MAGI1: variants seen among roughly 807,000 people sequenced by gnomAD.
MAGI1 encodes membrane-associated guanylate kinase, WW and PDZ domain-containing protein 1.
MAGI1 carries 58 observed loss-of-function variants against 139.9 expected under a neutral mutation model. The observed-to-expected ratio is 0.41, with a 90% CI of 0.34 to 0.52. The LOEUF is 0.52. Among genes scored for constraint, MAGI1 ranks in the 20% least tolerant of loss-of-function variants. The pLI is 0.12. For synonymous variants in MAGI1, 812 were observed against 737.9 expected, an observed-to-expected ratio of 1.10 and a Z score of -1.63; for missense variants, 1,874 against 1,901.6, an observed-to-expected ratio of 0.99 and a Z score of 0.27.
At chr3:65,573,407 T>C (rs968807964) in intron 2 of MAGI1, among the ~76,000 whole-genome samples, 7 of 152,016 alleles carry the variant, frequency 4.6e-5, no homozygotes, top group African/African-American at 7.2e-5. Context: ...TATTTTAACA[T>C]TGGAAAATCT....
chr3:65,668,241 T>A (rs975585945), intron 1 of MAGI1, among the ~76,000 whole-genome samples: 4 of 152,168 alleles, frequency 2.6e-5, no homozygotes, highest in African/African-American at 9.7e-5. Context: ...CGAATACACT[T>A]AATAAGGCAC....
At chr3:65,597,925 T>TGGGGGGGGGGGGAGGGGGGGGGGGGGGG in intron 2 of MAGI1, 1 of 394,350 alleles carries the variant, frequency 2.5e-6, no homozygotes, top group Admixed American at 2.7e-5. Flanking sequence ...GAGGCGGGGG[T>TGGGGGGGGGGGGAGGGGGGGGGGGGGGG]GGGGGGGGGG....
chr3:65,440,114 G>T, intron 8 of MAGI1, 102 bp from the exon 9 acceptor site: 1 of 1,296,684 alleles, frequency 7.7e-7, no homozygotes, highest in South Asian at 1.3e-5. Flanking sequence ...AGAGCAGGTG[G>T]TCTGAGATGC....
At chr3:65,430,669 C>A (rs770283308) in intron 11 of MAGI1, 30 bp downstream of exon 11, 2 of 1,605,304 alleles carry the variant, frequency 1.2e-6, no homozygotes, top group Non-Finnish European at 1.7e-6. Context: ...TCTCACCACA[C>A]AGAACACACT....
intron 1 of MAGI1, among the ~76,000 whole-genome samples, chr3:66,013,418 A>G (rs1249626352): frequency 1.4e-5 from 2 of 147,606 alleles, no homozygotes; most frequent in Non-Finnish European, 3.0e-5. Context: ...AAAAAAAAAA[A>G]AGAAAAAAAA....
chr3:65,921,334 G>T (rs1463619579), intron 1 of MAGI1, among the ~76,000 whole-genome samples: 1 of 149,700 alleles, frequency 6.7e-6, no homozygotes, highest in Non-Finnish European at 1.5e-5. Context: ...TTGAGACAGG[G>T]TCTCACTCTG....
At chr3:65,689,132 C>T (rs1376611352) in intron 1 of MAGI1, among the ~76,000 whole-genome samples, 1 of 152,214 alleles carries the variant, frequency 6.6e-6, no homozygotes, top group Non-Finnish European at 1.5e-5. Flanking sequence ...CCCTCTGAAA[C>T]CCAGACATCA....
At chr3:65,891,927 T>TATATATATATATAC (rs2060783303) in intron 1 of MAGI1, among the ~76,000 whole-genome samples, 1 of 109,804 alleles carries the variant, frequency 9.1e-6, no homozygotes, top group South Asian at 3.1e-4. Context: ...TATATATATA[T>TATATATATATATAC]ATATATATAT....
chr3:65,875,054 C>T (rs1429980631), intron 1 of MAGI1: 2 of 152,388 alleles, frequency 1.3e-5, no homozygotes, highest in African/African-American at 2.4e-5. Flanking sequence ...CTTGTCTCTA[C>T]AAAAAACAAA....
At chr3:65,605,363 C>T (rs2082687120) in intron 2 of MAGI1, among the ~76,000 whole-genome samples, 9 of 152,156 alleles carry the variant, frequency 5.9e-5, no homozygotes, top group Admixed American at 5.9e-4. Flanking sequence ...CTTTACACTA[C>T]ACTCACATAC....
intron 1 of MAGI1, among the ~76,000 whole-genome samples, chr3:65,712,472 A>G: frequency 6.6e-6 from 1 of 150,742 alleles, no homozygotes. Flanking sequence ...AAAAAAAAAA[A>G]GCCATGCGCG....
chr3:65,477,714 T>TTATTATTATTATTATTA (rs745836102), intron 4 of MAGI1, among the ~76,000 whole-genome samples: 4 of 107,340 alleles, frequency 3.7e-5, no homozygotes, highest in African/African-American at 1.5e-4. Context: ...TATTATTATT[T>TTATTATTATTATTATTA]TTTTTTTTTT....
intron 1 of MAGI1, among the ~76,000 whole-genome samples, chr3:65,992,616 C>G (rs1235760539): frequency 6.6e-6 from 1 of 152,146 alleles, no homozygotes; most frequent in Admixed American, 6.6e-5. Flanking sequence ...TCTAATACAT[C>G]TGGGAGGGCA....
At chr3:65,876,364 C>T (rs1047996952) in intron 1 of MAGI1, among the ~76,000 whole-genome samples, 1 of 151,794 alleles carries the variant, frequency 6.6e-6, no homozygotes, top group African/African-American at 2.4e-5. Flanking sequence ...CCAAAAAAGG[C>T]AATATAATTA....
At chr3:65,688,075 G>A (rs1451626705) in intron 1 of MAGI1, 1 of 763,590 alleles carries the variant, frequency 1.3e-6, no homozygotes, top group Non-Finnish European at 2.3e-6. Context: ...AACCCCAACA[G>A]ACAGCCTTTG....
At chr3:65,718,483 T>A (rs2032563271) in intron 1 of MAGI1, 1 of 152,192 alleles carries the variant, frequency 6.6e-6, no homozygotes, top group Non-Finnish European at 1.5e-5. Context: ...CTCTATCTTT[T>A]CCAATCTACT....
intron 1 of MAGI1, among the ~76,000 whole-genome samples, chr3:65,970,796 GTC>G (rs2064981824): frequency 6.6e-6 from 1 of 152,224 alleles, no homozygotes; most frequent in African/African-American, 2.4e-5. Flanking sequence ...GATACATTAA[GTC>G]TCAATGGTCA....
At chr3:65,442,094 T>TTC (rs397737707) in intron 8 of MAGI1, among the ~76,000 whole-genome samples, 1 of 151,608 alleles carries the variant, frequency 6.6e-6, no homozygotes, top group African/African-American at 2.4e-5. Context: ...TTTTTTTTTT[T>TTC]CAATGTCCTA....
At chr3:65,417,677 A>G (rs533971684) in intron 12 of MAGI1, among the ~76,000 whole-genome samples, 3 of 152,234 alleles carry the variant, frequency 2.0e-5, no homozygotes, top group South Asian at 4.2e-4. Flanking sequence ...GTTTTTGTGT[A>G]TGCTGTCTTT....
Sources: allele counts gnomAD v4.1 joint callset (sites outside exome capture counted in the v4.1 genomes callset), GRCh38; gene constraint gnomAD v4.1.1; transcripts MANE v1.5; gene names NCBI Gene and HGNC (gene_info 2026-07-23, HGNC 2026-07-21).